The following LHFPL3 variants were observed in gnomAD, a reference collection of about 807,000 sequenced individuals.
LHFPL3 encodes LHFPL tetraspan subfamily member 3 protein.
A neutral mutation model predicts 19.3 loss-of-function variants in LHFPL3; 5 were observed. The observed-to-expected ratio is 0.26, with a 90% CI of 0.14 to 0.54. LHFPL3 has a LOEUF of 0.54. Ranked by LOEUF, LHFPL3 falls within the 20% of genes least tolerant of loss-of-function variation. The pLI is 0.94. For synonymous variants in LHFPL3, 133 were observed against 126.2 expected, an observed-to-expected ratio of 1.05 and a Z score of -0.36; for missense variants, 249 against 307.4, an observed-to-expected ratio of 0.81 and a Z score of 1.42.
At chr7:104,904,359 G>A (rs966734836) in intron 2 of LHFPL3, among the ~76,000 whole-genome samples, 3 of 152,106 alleles carry the variant, frequency 2.0e-5, no homozygotes, top group East Asian at 1.9e-4. Flanking sequence ...GCTCTGTGAC[G>A]CAAAACCTCG....
At chr7:104,556,424 C>G (rs1024796135) in intron 1 of LHFPL3, among the ~76,000 whole-genome samples, 3 of 152,212 alleles carry the variant, frequency 2.0e-5, no homozygotes, top group Non-Finnish European at 4.4e-5. Flanking sequence ...CATGTGGAAG[C>G]TACCAAGGCT....
chr7:104,664,142 A>G (rs1792280851), intron 1 of LHFPL3, among the ~76,000 whole-genome samples: 1 of 152,154 alleles, frequency 6.6e-6, no homozygotes, highest in Non-Finnish European at 1.5e-5. Context: ...AATAATTTCC[A>G]TCAACATTAC....
intron 1 of LHFPL3, among the ~76,000 whole-genome samples, chr7:104,390,417 T>C (rs1791042113): frequency 6.8e-6 from 1 of 148,028 alleles, no homozygotes; most frequent in African/African-American, 2.5e-5. Flanking sequence ...AATTCCCACC[T>C]GTGAGTGAGA....
At chr7:104,713,239 T>G (rs979923199) in intron 1 of LHFPL3, among the ~76,000 whole-genome samples, 1 of 152,204 alleles carries the variant, frequency 6.6e-6, no homozygotes, top group Non-Finnish European at 1.5e-5. Context: ...ACAAAGAAAT[T>G]CATTAGTGTA....
intron 1 of LHFPL3, among the ~76,000 whole-genome samples, chr7:104,418,556 A>C (rs1421417618): frequency 6.6e-6 from 1 of 152,178 alleles, no homozygotes; most frequent in Non-Finnish European, 1.5e-5. Context: ...CAATTTAAAA[A>C]ATGGGTCAAG....
intron 1 of LHFPL3, among the ~76,000 whole-genome samples, chr7:104,503,662 A>G (rs1562918322): frequency 6.6e-6 from 1 of 151,994 alleles, no homozygotes; most frequent in African/African-American, 2.4e-5. Flanking sequence ...CTCCACCTCC[A>G]GGGTTCAAGT....
At chr7:104,641,134 T>C (rs1791825016) in intron 1 of LHFPL3, among the ~76,000 whole-genome samples, 1 of 152,222 alleles carries the variant, frequency 6.6e-6, no homozygotes, top group African/African-American at 2.4e-5. Flanking sequence ...TACTGCATTA[T>C]TTCCTAGACA....
chr7:104,578,226 G>T (rs919986213), intron 1 of LHFPL3, among the ~76,000 whole-genome samples: 1 of 152,176 alleles, frequency 6.6e-6, no homozygotes, highest in Non-Finnish European at 1.5e-5. Context: ...GTTCTGAAAA[G>T]GTTTTCTCCA....
intron 1 of LHFPL3, among the ~76,000 whole-genome samples, chr7:104,728,643 G>A (rs1258640063): frequency 1.3e-5 from 2 of 152,128 alleles, no homozygotes; most frequent in Non-Finnish European, 2.9e-5. Context: ...TTCTAAAGAA[G>A]TGCCAACTCT....
At chr7:104,460,610 G>T (rs10252406) in intron 1 of LHFPL3, among the ~76,000 whole-genome samples, 27,684 of 151,902 alleles carry the variant, frequency 0.18, 2,533 homozygotes, top group African/African-American at 0.22. Flanking sequence ...TGATATTGAG[G>T]TTTTTTTAAT....
At chr7:104,748,332 ACAC>A (rs1193394406) in intron 2 of LHFPL3, among the ~76,000 whole-genome samples, 1 of 149,642 alleles carries the variant, frequency 6.7e-6, no homozygotes, top group Non-Finnish European at 1.5e-5. Flanking sequence ...CCCCAGCCCG[ACAC>A]CCGTAAAGGG....
At chr7:104,552,642 A>G (rs929808165) in intron 1 of LHFPL3, among the ~76,000 whole-genome samples, 3 of 152,188 alleles carry the variant, frequency 2.0e-5, no homozygotes, top group Non-Finnish European at 2.9e-5. Context: ...GCAGGAATAC[A>G]TTCAGTTCTT....
intron 2 of LHFPL3, among the ~76,000 whole-genome samples, chr7:104,813,426 A>G (rs774782558): frequency 7.2e-5 from 11 of 152,232 alleles, no homozygotes; most frequent in Non-Finnish European, 1.5e-4. Flanking sequence ...TCTTTGGGGT[A>G]CCATTTTTCT....
In LHFPL3 at chr7:104,328,914, C is replaced by G. The variant is rs1801517163; in HGVS notation, c.135C>G (p.Ile45Met). ...GCGTGCTGTGGGCCATCTTCACCAT[C>G]TGCTTTGCCATCGTCAACGTGGTGT... is the stretch of plus-strand genomic sequence containing the variant. ...AIGVLWAIFT[I>M]CFAIVNVVCF... is the part of the protein sequence containing the mutation. Residue 45 changes from isoleucine (I) to methionine (M), a missense_variant, in exon 1 of 3, where the codon ATC becomes ATG. Ile to Met is a conservative substitution (Grantham distance 10, BLOSUM62 1). Coordinates refer to ENST00000424859, the MANE Select transcript of LHFPL3 (RefSeq NM_199000.3). This position sits in a 1 kb window ranked among gnomAD's most constrained non-coding sequence, Gnocchi z 4.6. 6.2e-7 allele frequency: 1 copy of G among 1,614,212 alleles called. No homozygotes were observed. The highest frequency in any genetic ancestry group is 8.5e-7 in the Non-Finnish European group (1 of 1,180,038).
At chr7:104,501,138 A>G (rs1793591896) in intron 1 of LHFPL3, among the ~76,000 whole-genome samples, 1 of 152,328 alleles carries the variant, frequency 6.6e-6, no homozygotes, top group Middle Eastern at 3.4e-3. Flanking sequence ...GATTGAAGGA[A>G]GGAAAGAATA....
chr7:104,437,698 A>T (rs1296962194), intron 1 of LHFPL3, among the ~76,000 whole-genome samples: 1 of 152,200 alleles, frequency 6.6e-6, no homozygotes, highest in Non-Finnish European at 1.5e-5. Flanking sequence ...TTGTAAAAGC[A>T]TACAACTCAG....
At chr7:104,763,581 T>C (rs751419331) in intron 2 of LHFPL3, among the ~76,000 whole-genome samples, 3 of 152,176 alleles carry the variant, frequency 2.0e-5, no homozygotes, top group Non-Finnish European at 2.9e-5. Flanking sequence ...TGCCCCACAG[T>C]TGGTGAGAGT....
chr7:104,621,591 G>A (rs1037428823), intron 1 of LHFPL3, among the ~76,000 whole-genome samples: 1 of 152,196 alleles, frequency 6.6e-6, no homozygotes, highest in Non-Finnish European at 1.5e-5. Context: ...TCCCTCCAGG[G>A]AGTTGACAGA....
intron 1 of LHFPL3, among the ~76,000 whole-genome samples, chr7:104,590,748 A>T (rs542524696): frequency 3.3e-5 from 5 of 152,160 alleles, no homozygotes; most frequent in Non-Finnish European, 7.3e-5. Context: ...TTGGGAGTCT[A>T]AGTCTCTTTG....
Sources: allele counts gnomAD v4.1 joint callset (sites outside exome capture counted in the v4.1 genomes callset), GRCh38; gene constraint gnomAD v4.1.1; non-coding constraint Gnocchi (gnomAD v3.1); transcripts MANE v1.5; gene names NCBI Gene and HGNC (gene_info 2026-07-23, HGNC 2026-07-21).